PDCL2: variants seen among roughly 807,000 people sequenced by gnomAD.
The protein encoded by PDCL2 is phosducin-like protein 2.
Under a neutral mutation model 30.3 loss-of-function variants are expected in PDCL2, and 23 were observed. The ratio of observed to expected loss-of-function variants is 0.76; its 90% CI spans 0.55 to 1.08. The LOEUF (loss-of-function observed/expected upper bound fraction) is 1.08. Among genes scored for constraint, PDCL2 ranks in the 50% least tolerant of loss-of-function variants. The pLI is 0.00. For missense variants in PDCL2, 243 were observed against 282.3 expected (o/e 0.86, Z 1.00); for synonymous variants, 68 against 86.2 (o/e 0.79, Z 1.17).
At chr4:55,559,933 T>C (rs1358631791) in intron 5 of PDCL2, among the ~76,000 whole-genome samples, 1 of 152,150 alleles carries the variant, frequency 6.6e-6, no homozygotes, top group Non-Finnish European at 1.5e-5. Flanking sequence ...GTCAAATTCA[T>C]AGAGACAGAA....
chr4:55,579,763 TCAA>T (rs776280013), intron 3 of PDCL2, among the ~76,000 whole-genome samples: 1 of 152,110 alleles, frequency 6.6e-6, no homozygotes, highest in Non-Finnish European at 1.5e-5. Flanking sequence ...ACTCCTAGCC[TCAA>T]GCAATCCTCC....
intron 4 of PDCL2, among the ~76,000 whole-genome samples, chr4:55,567,071 T>G (rs912435095): frequency 6.6e-6 from 1 of 152,226 alleles, no homozygotes; most frequent in Non-Finnish European, 1.5e-5. Flanking sequence ...GATCCTTGTT[T>G]TATAAATGTC....
At chr4:55,565,584 G>A (rs779706615) in intron 4 of PDCL2, among the ~76,000 whole-genome samples, 3 of 152,036 alleles carry the variant, frequency 2.0e-5, no homozygotes, top group African/African-American at 7.2e-5. Context: ...ATTACCTCCC[G>A]CCATGTCCCT....
At chr4:55,577,574 A>G (rs1322724268) in intron 3 of PDCL2, among the ~76,000 whole-genome samples, 1 of 152,130 alleles carries the variant, frequency 6.6e-6, no homozygotes, top group Admixed American at 6.5e-5. Flanking sequence ...GGATCATCTC[A>G]TAAGCATACC....
At chr4:55,562,318 G>A in intron 5 of PDCL2, 86 bp downstream of exon 5, 1 of 891,392 alleles carries the variant, frequency 1.1e-6, no homozygotes, top group Non-Finnish European at 1.6e-6. Flanking sequence ...AAAAACCTTG[G>A]TACTAAGGAA....
At chr4:55,561,956 A>G (rs1732147452) in intron 5 of PDCL2, among the ~76,000 whole-genome samples, 1 of 152,218 alleles carries the variant, frequency 6.6e-6, no homozygotes, top group South Asian at 2.1e-4. Context: ...TACATAATGC[A>G]GTAAATAAAA....
chr4:55,578,277 C>T (rs948034313), intron 3 of PDCL2, among the ~76,000 whole-genome samples: 3 of 152,064 alleles, frequency 2.0e-5, no homozygotes, highest in East Asian at 1.9e-4. Flanking sequence ...AACACAGAAC[C>T]CCAATATTTG....
At chr4:55,559,049 G>A (rs1013130546) in intron 5 of PDCL2, among the ~76,000 whole-genome samples, 1 of 152,090 alleles carries the variant, frequency 6.6e-6, no homozygotes, top group Admixed American at 6.5e-5. Flanking sequence ...TGTAATCAGG[G>A]AAATCCACAT....
intron 1 of PDCL2, among the ~76,000 whole-genome samples, chr4:55,591,879 T>C (rs897960025): frequency 6.6e-5 from 10 of 152,202 alleles, no homozygotes; most frequent in Non-Finnish European, 1.3e-4. Flanking sequence ...CTTTTAACGT[T>C]TTCTCCAGCG....
chr4:55,574,893 T>C (rs1732523736), intron 3 of PDCL2, among the ~76,000 whole-genome samples: 1 of 152,216 alleles, frequency 6.6e-6, no homozygotes, highest in Non-Finnish European at 1.5e-5. Flanking sequence ...GCCATTCCTA[T>C]ACATGTTTTG....
At chr4:55,587,999 T>A (rs1732905872) in intron 1 of PDCL2, among the ~76,000 whole-genome samples, 1 of 152,232 alleles carries the variant, frequency 6.6e-6, no homozygotes, top group Non-Finnish European at 1.5e-5. Context: ...ATGTCATGAA[T>A]CTATCTTATG....
intron 5 of PDCL2, among the ~76,000 whole-genome samples, chr4:55,560,889 C>T (rs542881938): frequency 6.6e-6 from 1 of 152,136 alleles, no homozygotes; most frequent in Admixed American, 6.5e-5. Flanking sequence ...AAGAACAGGC[C>T]CTCAGAAAAC....
Position 55,592,233 on chromosome 4 carries a change from A to C in PDCL2, c.-124T>G, listed in dbSNP as rs62310884. ...GCTTCAGGCCCGGCGGTTTCGAGTG[A>C]CCGCCAGAAGAGGGAGAGGCGAACA... On this transcript the variant is annotated 5_prime_UTR_variant, in exon 1 of 6. Transcript: ENST00000295645. 368,142 of 1,414,376 alleles carry C rather than the reference A, an allele frequency of 0.26. 50,768 individuals carry two copies. The highest frequency in any genetic ancestry group is 0.28 in the Non-Finnish European group (288,755 of 1,036,824). The allele number at this position is 1,414,376 out of a possible 1,614,324, so 87.6% of individuals were successfully genotyped here.
chr4:55,570,514 C>A (rs10009593), intron 3 of PDCL2, among the ~76,000 whole-genome samples: 48,172 of 151,958 alleles, frequency 0.32, 7,882 homozygotes, highest in Middle Eastern at 0.43. Context: ...TAAACTTGGG[C>A]AAGTTGTTTA....
intron 1 of PDCL2, among the ~76,000 whole-genome samples, chr4:55,591,877 G>C (rs980895520): frequency 6.6e-6 from 1 of 152,246 alleles, no homozygotes; most frequent in Non-Finnish European, 1.5e-5. Flanking sequence ...CTCTTTTAAC[G>C]TTTTCTCCAG....
intron 5 of PDCL2, among the ~76,000 whole-genome samples, chr4:55,561,394 T>G (rs1205952040): frequency 6.6e-6 from 1 of 152,010 alleles, no homozygotes; most frequent in East Asian, 1.9e-4. Flanking sequence ...AACCCCCATC[T>G]CTACTAAAAA....
intron 4 of PDCL2, among the ~76,000 whole-genome samples, chr4:55,565,384 G>A (rs1001255957): frequency 6.6e-6 from 1 of 152,122 alleles, no homozygotes; most frequent in African/African-American, 2.4e-5. Context: ...TCACAGTTCA[G>A]TATGGCTGGG....
rs760797459 is a variant in PDCL2 at position 55,562,516 on chromosome 4, A to G, written c.459T>C (p.Ile153=). 1 of 1,599,736 alleles carries G rather than the reference A, an allele frequency of 6.3e-7. No individual in the cohort carries two copies. Among genetic ancestry groups the G allele is most frequent in the South Asian group, 1.1e-5 (1 of 88,312 alleles). ...KFVKAIVNSC[I]QHYHDNCLPT... ...GTAAACAATTGTCATGGTAGTGTTG[A>G]ATACAGCTATTCACGATGGCTTTAA... Residue 153 remains isoleucine (I), a synonymous_variant, in exon 5 of 6, where the codon ATT becomes ATC. Transcript: ENST00000295645.
intron 5 of PDCL2, among the ~76,000 whole-genome samples, chr4:55,558,132 A>AG (rs1425645120): frequency 2.0e-5 from 3 of 151,802 alleles, no homozygotes; most frequent in Non-Finnish European, 4.4e-5. Flanking sequence ...TCTCAAAAAA[A>AG]AAAAAAAAAG....
Sources: allele counts gnomAD v4.1 joint callset (sites outside exome capture counted in the v4.1 genomes callset), GRCh38; gene constraint gnomAD v4.1.1; transcripts MANE v1.5; gene names NCBI Gene and HGNC (gene_info 2026-07-23, HGNC 2026-07-21).